Variants in ZNRF3 observed in about 807,000 individuals in gnomAD.
ZNRF3 encodes zinc and ring finger 3.
In ZNRF3, 23 loss-of-function variants were observed where a neutral mutation model predicts 72.5. The ratio of observed to expected loss-of-function variants is 0.32; its 90% confidence interval spans 0.23 to 0.45. The LOEUF is 0.45. Ranked by LOEUF, ZNRF3 falls within the 20% of genes least tolerant of loss-of-function variation. ZNRF3 has a pLI of 1.00. For synonymous variants in ZNRF3, 610 were observed against 545.3 expected (o/e 1.12, Z -1.65); for missense variants, 1,169 against 1,272.1 (o/e 0.92, Z 1.23).
rs920977582 is a variant in ZNRF3, at chr22:28,951,427, TGGAGGCAGTGATTGG to T, written c.301-35646_301-35632del. Among the ~76,000 whole-genome samples the T allele has an allele frequency of 3.6e-4, 54 of 152,076 alleles. 1 individual carries two copies. The highest frequency in any genetic ancestry group is 8.3e-4 in the South Asian group (4 of 4,812). ...ACACCAGGAACGTGCCAAGTGAAGA[TGGAGGCAGTGATTGG>T]GGTGATGATTCCACAAGCCAAGAAA... On this transcript the variant is annotated intron_variant, in intron 1 of 8. Coordinates refer to ENST00000544604, the MANE Select transcript of ZNRF3 (RefSeq NM_001206998.2).
chr22:28,945,633 G>A (rs546459275), intron 1 of ZNRF3, among the ~76,000 whole-genome samples: 8 of 151,846 alleles, frequency 5.3e-5, no homozygotes, highest in South Asian at 2.1e-4. Context: ...GAGTTTAAGC[G>A]ATTCTTCTGC....
intron 1 of ZNRF3, among the ~76,000 whole-genome samples, chr22:28,897,859 TCTC>T (rs1270631169): frequency 6.6e-6 from 1 of 152,182 alleles, no homozygotes; most frequent in Non-Finnish European, 1.5e-5. Context: ...GAACCGGAAT[TCTC>T]CTAGATCACA....
At position 28,933,800 on chromosome 22, in the gene ZNRF3, C is replaced by G. The variant is rs917446600; in HGVS notation, c.300+49734C>G. 3.4e-5 allele frequency among the ~76,000 whole-genome samples: 5 copies of G among 148,214 alleles called. No individual in the cohort carries two copies. In the Admixed American group the frequency reaches 3.4e-4, roughly 10 times the overall value. On this transcript the variant is annotated intron_variant, in intron 1 of 8. Coordinates refer to ENST00000544604, the MANE Select transcript of ZNRF3 (RefSeq NM_001206998.2). ...CTCTCCCCTCCCTCCTCCCTCCTCC[C>G]CCTCCCCCTCATCTGGGTCTGAGGA...
In ZNRF3 at chr22:28,883,879, C is replaced by T. The variant is rs1292063496; in HGVS notation, c.113C>T (p.Pro38Leu). The change falls in exon 1 of 9, where the codon CCG (proline) becomes CTG (leucine). Residue 38 changes from proline (P) to leucine (L), a missense_variant. By Grantham distance (98) the Pro-to-Leu change is moderately conservative (BLOSUM62 -3). Transcript: ENST00000544604. The surrounding 1 kb of genome is among the most constrained non-coding windows in gnomAD (Gnocchi z 5.5). Reference sequence around the variant, plus strand: ...CGCCTGCCGCCGCCGCCGCCGCTGCCGCTGCTGCTCGGGCTGCTGCTGGCG... The same window carrying T: ...CGCCTGCCGCCGCCGCCGCCGCTGCTGCTGCTGCTCGGGCTGCTGCTGGCG... ...CSRLPPPPPL[P>L]LLLGLLLAAA... The T allele has an allele frequency of 6.8e-6, 7 of 1,028,742 alleles. No individual in the cohort carries two copies. The East Asian group carries it at 5.4e-4, about 80-fold the overall frequency. 63.7% of individuals were successfully genotyped at this position (1,028,742 alleles called of 1,614,324 possible).
At chr22:28,998,075 G>A (rs995742286) in intron 2 of ZNRF3, among the ~76,000 whole-genome samples, 1 of 151,504 alleles carries the variant, frequency 6.6e-6, no homozygotes, top group Non-Finnish European at 1.5e-5. Context: ...TGAGGCGAGC[G>A]GATCACCTGA....
At chr22:28,899,922 C>T (rs918223514) in intron 1 of ZNRF3, among the ~76,000 whole-genome samples, 3 of 152,092 alleles carry the variant, frequency 2.0e-5, no homozygotes. Context: ...AACTCTTGGG[C>T]TCAAGCAATA....
intron 2 of ZNRF3, among the ~76,000 whole-genome samples, chr22:29,008,811 T>A (rs943399703): frequency 6.6e-6 from 1 of 152,198 alleles, no homozygotes; most frequent in South Asian, 2.1e-4. Context: ...CGCAATTGAT[T>A]TTCTAATGCA....
chr22:28,970,882 C>T (rs1015899968), intron 1 of ZNRF3, among the ~76,000 whole-genome samples: 2 of 152,182 alleles, frequency 1.3e-5, no homozygotes, highest in African/African-American at 4.8e-5. Flanking sequence ...AATGGACTAT[C>T]AGGGAACAAG....
chr22:29,046,753 A>C lies in ZNRF3; in HGVS notation c.782A>C (p.Lys261Thr), dbSNP rs199702385. The change falls in exon 6 of 9, where the codon AAG (lysine) becomes ACG (threonine). Residue 261 changes from lysine (K) to threonine (T), a missense_variant. Physicochemically the swap from Lys to Thr is moderately conservative, Grantham distance 78 (BLOSUM62 -1). This residue lies in a region of ZNRF3 where 386 missense variants were observed against 540.7 expected (regional missense o/e 0.71). Coordinates refer to ENST00000544604, the MANE Select transcript of ZNRF3 (RefSeq NM_001206998.2). ...MNRLAVQALE[K>T]METRKFNSKS... ...AGGCTGGCTGTGCAGGCTCTAGAGA[A>C]GATGGAAACCAGAAAGTTCAACTCC... The C allele has an allele frequency of 1.1e-5, 17 of 1,611,670 alleles. No homozygotes were observed. The East Asian group carries it at 3.6e-4, about 34-fold the overall frequency.
At chr22:28,933,701 AT>A (rs2034756330) in intron 1 of ZNRF3, among the ~76,000 whole-genome samples, 1 of 118,328 alleles carries the variant, frequency 8.5e-6, no homozygotes, top group African/African-American at 3.4e-5. Context: ...GTAAACTCCT[AT>A]CACACCCCCA....
At chr22:28,900,616 C>A (rs1291663265) in intron 1 of ZNRF3, among the ~76,000 whole-genome samples, 1 of 152,144 alleles carries the variant, frequency 6.6e-6, no homozygotes, top group Non-Finnish European at 1.5e-5. Flanking sequence ...TTCAACAGCT[C>A]AGGCAGTCTG....
intron 2 of ZNRF3, among the ~76,000 whole-genome samples, chr22:28,996,106 A>G (rs1228673054): frequency 6.6e-6 from 1 of 151,578 alleles, no homozygotes; most frequent in Non-Finnish European, 1.5e-5. Context: ...TTATTTTGAA[A>G]TTATTTTTAT....
chr22:28,990,979 A>G (rs2035941371), intron 2 of ZNRF3, among the ~76,000 whole-genome samples: 1 of 151,890 alleles, frequency 6.6e-6, no homozygotes, highest in South Asian at 2.1e-4. Flanking sequence ...ATTCTTAGGG[A>G]GAGGTTTGGA....
Position 29,053,656 on chromosome 22 carries a change from C to T in ZNRF3, c.*34C>T. ...GGAACTCTTACCTGGAAATTGGGAA[C>T]TGTATGGAGACTCCAAACTGACTTC... is the stretch of plus-strand genomic sequence containing the variant. On this transcript the variant is annotated 3_prime_UTR_variant, in exon 9 of 9. Coordinates refer to ENST00000544604, the MANE Select transcript of ZNRF3 (RefSeq NM_001206998.2). 6 of 1,598,218 alleles carry T rather than the reference C, an allele frequency of 3.8e-6. No homozygotes were observed. The highest frequency in any genetic ancestry group is 5.1e-6 in the Non-Finnish European group (6 of 1,173,290).
intron 1 of ZNRF3, among the ~76,000 whole-genome samples, chr22:28,913,206 T>C (rs1408189143): frequency 2.0e-5 from 3 of 152,252 alleles, no homozygotes; most frequent in Non-Finnish European, 4.4e-5. Flanking sequence ...TATGAGGATC[T>C]ATGCTATGCA....
Position 29,031,898 on chromosome 22 carries a change from C to T in ZNRF3, c.427-10597C>T, listed in dbSNP as rs529670420. ...TTCAGCAGTGACGTGTTCCAGGCTC[C>T]GGCTTTAGATGGCTGTGTCTCTCAA... On this transcript the variant is annotated intron_variant, in intron 2 of 8. Coordinates refer to ENST00000544604, the MANE Select transcript of ZNRF3 (RefSeq NM_001206998.2). Among the ~76,000 whole-genome samples the T allele has an allele frequency of 5.9e-5, 9 of 152,326 alleles. No homozygotes were observed. In the South Asian group the frequency reaches 1.9e-3, roughly 32 times the overall value.
intron 2 of ZNRF3, among the ~76,000 whole-genome samples, chr22:28,994,135 T>C (rs1333383065): frequency 1.3e-5 from 2 of 150,210 alleles, no homozygotes; most frequent in Non-Finnish European, 3.0e-5. Context: ...CCATCTTCTC[T>C]TCCTTTCTCT....
Position 29,056,776 on chromosome 22 carries a change from T to C in ZNRF3, c.*3154T>C, listed in dbSNP as rs1302779557. On this transcript the variant is annotated 3_prime_UTR_variant, in exon 9 of 9. Transcript: ENST00000544604. Reference sequence around the variant, plus strand: ...GGTGTTTACCAACAAGGTACCTCTTTATGGATGCAGCCCCAGTAAGCTGGC... The same window carrying C: ...GGTGTTTACCAACAAGGTACCTCTTCATGGATGCAGCCCCAGTAAGCTGGC... 2 of 152,222 alleles carry C rather than the reference T, an allele frequency of 1.3e-5. No homozygotes were observed. Among genetic ancestry groups the C allele is most frequent in the African/African-American group, 4.8e-5 (2 of 41,452 alleles). The allele number at this position is 152,222 out of a possible 1,614,324, so 9.4% of individuals were successfully genotyped here. A position where few individuals can be genotyped will look rare whatever the true frequency, so the allele number is the denominator to read the frequency against.
At chr22:28,947,740 T>TA (rs1340363960) in intron 1 of ZNRF3, among the ~76,000 whole-genome samples, 1 of 152,380 alleles carries the variant, frequency 6.6e-6, no homozygotes, top group East Asian at 1.9e-4. Context: ...TAAGGGTAGT[T>TA]ACACTTTTAA....
Sources: allele counts gnomAD v4.1 joint callset (sites outside exome capture counted in the v4.1 genomes callset), GRCh38; gene constraint gnomAD v4.1.1; regional missense constraint gnomAD v4.1.1; non-coding constraint Gnocchi (gnomAD v3.1); transcripts MANE v1.5; gene names NCBI Gene and HGNC (gene_info 2026-07-23, HGNC 2026-07-21).